The following HIP1 variants were observed in gnomAD, a reference collection of about 807,000 sequenced individuals.
HIP1 encodes the protein huntingtin interacting protein 1.
HIP1 carries 65 observed loss-of-function variants against 147.6 expected under a neutral mutation model. The observed-to-expected ratio is 0.44, with a 90% confidence interval of 0.36 to 0.54. HIP1 has a LOEUF of 0.54. HIP1 is among the 20% of genes least tolerant of loss of function. The probability of loss-of-function intolerance (pLI) is 0.00; values close to 1 mark genes in which losing one functional copy is unlikely to be tolerated. For synonymous variants in HIP1, 479 were observed against 504.0 expected (o/e 0.95, Z 0.67); for missense variants, 1,061 against 1,299.6 (o/e 0.82, Z 2.82).
At chr7:75,546,423 C>T (rs587639978) in intron 25 of HIP1, among the ~76,000 whole-genome samples, 2 of 152,264 alleles carry the variant, frequency 1.3e-5, no homozygotes, top group Admixed American at 6.5e-5. Context: ...TGGACTTACG[C>T]CTCCCGAGCT....
At chr7:75,659,523 C>T (rs1421178471) in intron 1 of HIP1, among the ~76,000 whole-genome samples, 1 of 152,140 alleles carries the variant, frequency 6.6e-6, no homozygotes, top group Non-Finnish European at 1.5e-5. Flanking sequence ...GTGGCGCACG[C>T]CTGTAATCCC....
chr7:75,654,523 T>C (rs1414571977), intron 1 of HIP1: 1 of 152,270 alleles, frequency 6.6e-6, no homozygotes, highest in East Asian at 1.9e-4. Context: ...TGGAGTTCAT[T>C]TGGCCATCCA....
chr7:75,622,740 G>C (rs1554507345), intron 1 of HIP1, among the ~76,000 whole-genome samples: 1 of 152,102 alleles, frequency 6.6e-6, no homozygotes. Context: ...TGCTTTGGGA[G>C]GCTGAGGCAA....
chr7:75,559,944 A>G, intron 13 of HIP1, 29 bp from the exon 14 acceptor site: 2 of 1,558,498 alleles, frequency 1.3e-6, no homozygotes, highest in East Asian at 4.6e-5. Flanking sequence ...CATGAGGCCA[A>G]CCGCCCACTG....
intron 1 of HIP1, among the ~76,000 whole-genome samples, chr7:75,666,416 C>T (rs1554514622): frequency 6.6e-6 from 1 of 151,864 alleles, no homozygotes; most frequent in African/African-American, 2.4e-5. Context: ...ATGATCCACC[C>T]ACCTCGGCCT....
intron 2 of HIP1, among the ~76,000 whole-genome samples, chr7:75,594,510 T>C (rs1796616432): frequency 2.0e-5 from 3 of 152,138 alleles, no homozygotes; most frequent in Admixed American, 6.6e-5. Context: ...GCGTGGTGGC[T>C]CACGGCTGTA....
chr7:75,687,899 A>G (rs1476819905), intron 1 of HIP1, among the ~76,000 whole-genome samples: 1 of 151,696 alleles, frequency 6.6e-6, no homozygotes, highest in Non-Finnish European at 1.5e-5. Flanking sequence ...AGGCCTTTCC[A>G]TGTGATGTTT....
intron 26 of HIP1, 83 bp from the exon 27 acceptor site, chr7:75,544,883 C>T (rs1401137579): frequency 2.7e-5 from 25 of 930,822 alleles, no homozygotes; most frequent in Non-Finnish European, 3.4e-5. Context: ...ACCACCCCAT[C>T]GCCCTTGGCT....
intron 1 of HIP1, among the ~76,000 whole-genome samples, chr7:75,737,467 C>T (rs1226686503): frequency 6.6e-6 from 1 of 152,114 alleles, no homozygotes; most frequent in Admixed American, 6.6e-5. Flanking sequence ...GCCTCAGCCT[C>T]CCAAGTAGCT....
At chr7:75,556,591 G>T in intron 17 of HIP1, 119 bp downstream of exon 17, 1 of 675,784 alleles carries the variant, frequency 1.5e-6, no homozygotes, top group Non-Finnish European at 2.6e-6. Context: ...GGGCTAAGTG[G>T]GGAGGATCAC....
At chr7:75,699,336 T>C (rs1187755595) in intron 1 of HIP1, among the ~76,000 whole-genome samples, 1 of 152,192 alleles carries the variant, frequency 6.6e-6, no homozygotes, top group East Asian at 1.9e-4. Context: ...ATACTCTTGA[T>C]TTTTATATAG....
Position 75,537,013 on chromosome 7 carries a change from C to T in HIP1, c.*1159G>A. 1 of 232,068 alleles carries T rather than the reference C, an allele frequency of 4.3e-6. No homozygotes were observed. Among genetic ancestry groups the T allele is most frequent in the Non-Finnish European group, 8.5e-6 (1 of 117,300 alleles). 14.4% of individuals were successfully genotyped at this position (232,068 alleles called of 1,614,324 possible). On this transcript the variant is annotated 3_prime_UTR_variant, in exon 31 of 31. Coordinates refer to ENST00000336926, the MANE Select transcript of HIP1 (RefSeq NM_005338.7). ...AACGATCTTCCTATTCAAGAGGATG[C>T]CAAGGCAGACGTCTGCAGAAAGGAG...
intron 1 of HIP1, among the ~76,000 whole-genome samples, chr7:75,737,871 G>A (rs1188219719): frequency 6.6e-6 from 1 of 152,156 alleles, no homozygotes; most frequent in Non-Finnish European, 1.5e-5. Flanking sequence ...CTCCAGCATT[G>A]GCACTGGGAT....
In HIP1 at chr7:75,535,382, G is replaced by T. The variant is rs1584761460; in HGVS notation, c.*2790C>A. ...AGAATCTTTTTTTTTTTGAGACAGG[G>T]TCTCACTCTGTCACCCAGGCCGGAG... On this transcript the variant is annotated 3_prime_UTR_variant, in exon 31 of 31. Coordinates refer to ENST00000336926, the MANE Select transcript of HIP1 (RefSeq NM_005338.7). 5.4e-6 allele frequency: 1 copy of T among 186,472 alleles called. No individual in the cohort carries two copies. The highest frequency in any genetic ancestry group is 8.6e-5 in the East Asian group (1 of 11,604). The allele number at this position is 186,472 out of a possible 1,614,324, so 11.6% of individuals were successfully genotyped here. A position where few individuals can be genotyped will look rare whatever the true frequency, so the allele number is the denominator to read the frequency against.
intron 1 of HIP1, among the ~76,000 whole-genome samples, chr7:75,650,062 T>C (rs1334319394): frequency 3.3e-5 from 5 of 152,150 alleles, no homozygotes; most frequent in Admixed American, 6.6e-5. Flanking sequence ...TTCTGCAAGA[T>C]AGACCCCCTA....
intron 2 of HIP1, among the ~76,000 whole-genome samples, chr7:75,595,251 T>TCTTTTTCTTTCTTTCTTTCTTC (rs1491144475): frequency 3.4e-5 from 2 of 59,504 alleles, no homozygotes; most frequent in African/African-American, 1.7e-4. Flanking sequence ...TTTCTTTCTT[T>TCTTTTTCTTTCTTTCTTTCTTC]CTTCCTTCCT....
intron 1 of HIP1, among the ~76,000 whole-genome samples, chr7:75,720,925 C>CT (rs781913726): frequency 1.3e-5 from 2 of 151,676 alleles, no homozygotes; most frequent in Non-Finnish European, 1.5e-5. Context: ...GTAATCCCAG[C>CT]TACTAGGGAG....
chr7:75,612,145 T>C (rs1313354767), intron 1 of HIP1, among the ~76,000 whole-genome samples: 1 of 151,860 alleles, frequency 6.6e-6, no homozygotes, highest in Non-Finnish European at 1.5e-5. Context: ...GGGTGGCAGG[T>C]CCCCAGGCAA....
intron 27 of HIP1, 29 bp from the exon 28 acceptor site, chr7:75,543,003 T>C: frequency 6.3e-7 from 1 of 1,598,662 alleles, no homozygotes; most frequent in Non-Finnish European, 8.5e-7. Flanking sequence ...TTTAGGTTCA[T>C]ACAACACCTA....
Sources: gnomAD v4.1 joint callset for allele counts (sites outside exome capture counted in the v4.1 genomes callset) on GRCh38, gnomAD v4.1.1 for gene constraint, MANE v1.5 for transcripts, NCBI Gene and HGNC (gene_info 2026-07-23, HGNC 2026-07-21) for gene names.